ITSN1: variants seen among roughly 807,000 people sequenced by gnomAD.
ITSN1 encodes intersectin 1.
ITSN1 carries 58 observed loss-of-function variants against 239.8 expected under a neutral mutation model. That is an observed-to-expected ratio of 0.24 (90% CI 0.20 to 0.30). The LOEUF (loss-of-function observed/expected upper bound fraction) is 0.30, where lower values mean the gene tolerates loss of function less well. Ranked by LOEUF, ITSN1 falls within the 10% of genes least tolerant of loss-of-function variation. The pLI is 1.00. For missense variants in ITSN1, 1,558 were observed against 2,103.3 expected (o/e 0.74, Z 5.07); for synonymous variants, 780 against 770.8 (o/e 1.01, Z -0.20).
intron 16 of ITSN1, among the ~76,000 whole-genome samples, chr21:33,784,982 C>T (rs1378717829): frequency 6.6e-6 from 1 of 152,120 alleles, no homozygotes; most frequent in African/African-American, 2.4e-5. Context: ...ACACATCTAA[C>T]CTGATAGTGT....
intron 14 of ITSN1, among the ~76,000 whole-genome samples, chr21:33,778,336 C>G (rs1241170585): frequency 6.6e-6 from 1 of 152,084 alleles, no homozygotes; most frequent in Non-Finnish European, 1.5e-5. Context: ...CCTCTATTTT[C>G]TAAAAGTGTT....
chr21:33,755,871 A>G (rs574133664), intron 8 of ITSN1, among the ~76,000 whole-genome samples: 1 of 152,344 alleles, frequency 6.6e-6, no homozygotes, highest in African/African-American at 2.4e-5. Flanking sequence ...ATTAATATAA[A>G]AGGCCAGAGT....
intron 31 of ITSN1, among the ~76,000 whole-genome samples, chr21:33,860,501 C>G (rs1428764752): frequency 6.6e-6 from 1 of 152,138 alleles, no homozygotes; most frequent in Non-Finnish European, 1.5e-5. Flanking sequence ...CTCCCCATAC[C>G]TCTCTGTTGT....
intron 33 of ITSN1, among the ~76,000 whole-genome samples, chr21:33,870,304 T>A (rs2148515682): frequency 6.6e-6 from 1 of 152,316 alleles, no homozygotes; most frequent in South Asian, 2.1e-4. Flanking sequence ...AACAAGCTTT[T>A]AAAATAGGTG....
At chr21:33,652,167 G>T (rs2088601422) in intron 1 of ITSN1, among the ~76,000 whole-genome samples, 3 of 152,120 alleles carry the variant, frequency 2.0e-5, no homozygotes, top group South Asian at 4.1e-4. Flanking sequence ...AGAGTTGAAG[G>T]CCTGTTAGGG....
intron 20 of ITSN1, 133 bp downstream of exon 20, chr21:33,802,577 A>G (rs934236617): frequency 2.4e-6 from 2 of 832,312 alleles, no homozygotes; most frequent in Non-Finnish European, 3.9e-6. Context: ...GAGTCTGTGT[A>G]GTAGGTTGTG....
chr21:33,873,527 A>C (rs1281086587), intron 33 of ITSN1, among the ~76,000 whole-genome samples: 1 of 152,178 alleles, frequency 6.6e-6, no homozygotes, highest in Non-Finnish European at 1.5e-5. Context: ...ACACCATATA[A>C]AGGAGGCTAT....
intron 20 of ITSN1, among the ~76,000 whole-genome samples, chr21:33,803,066 C>G (rs544398076): frequency 2.0e-5 from 3 of 152,228 alleles, no homozygotes; most frequent in South Asian, 4.1e-4. Flanking sequence ...TTAAAAAATA[C>G]ATGAAAAGAT....
At chr21:33,661,923 C>T (rs548717717) in intron 1 of ITSN1, among the ~76,000 whole-genome samples, 27 of 152,164 alleles carry the variant, frequency 1.8e-4, no homozygotes, top group African/African-American at 6.0e-4. Flanking sequence ...TACCCAGTCT[C>T]GGTGAAAATG....
chr21:33,652,997 CTT>C (rs774663981), intron 1 of ITSN1, among the ~76,000 whole-genome samples: 55 of 136,932 alleles, frequency 4.0e-4, no homozygotes, highest in Non-Finnish European at 2.9e-4. Context: ...CTGGGAAGTT[CTT>C]TTTTTTTTTT....
chr21:33,825,343 G>A (rs943691840), intron 25 of ITSN1, among the ~76,000 whole-genome samples: 7 of 152,126 alleles, frequency 4.6e-5, no homozygotes, highest in Non-Finnish European at 1.0e-4. Context: ...AAAAAAACCT[G>A]AAAACTCAGC....
chr21:33,779,310 G>A (rs937277459), intron 14 of ITSN1, among the ~76,000 whole-genome samples: 1 of 151,640 alleles, frequency 6.6e-6, no homozygotes, highest in African/African-American at 2.4e-5. Context: ...AACATTTTAA[G>A]CTTTAAATGT....
chr21:33,772,427 G>C (rs2069239132), intron 12 of ITSN1, 104 bp downstream of exon 12: 2 of 1,355,184 alleles, frequency 1.5e-6, no homozygotes, highest in Non-Finnish European at 2.0e-6. Flanking sequence ...TTACAATTCA[G>C]TAGTTTTAGT....
rs2244966 is a variant in ITSN1 at position 33,755,055 on chromosome 21, A to G, written c.624-242A>G. 0.31 allele frequency among the ~76,000 whole-genome samples: 47,476 copies of G among 152,056 alleles called. 7,811 individuals are homozygous for G. The highest frequency in any genetic ancestry group is 0.55 in the East Asian group (2,863 of 5,170). On this transcript the variant is annotated intron_variant, in intron 7 of 39. Coordinates refer to ENST00000381318, the MANE Select transcript of ITSN1 (RefSeq NM_003024.3). Reference sequence around the variant, plus strand: ...TATATACAACTTGAAACAGCCTCTCAGTCTATTGTGTTTATCCATGATTCT... The same window carrying G: ...TATATACAACTTGAAACAGCCTCTCGGTCTATTGTGTTTATCCATGATTCT...
intron 14 of ITSN1, among the ~76,000 whole-genome samples, chr21:33,776,050 T>C (rs2069578908): frequency 6.6e-6 from 1 of 152,206 alleles, no homozygotes; most frequent in South Asian, 2.1e-4. Context: ...GAATGACTCT[T>C]TTGTTTCTTT....
chr21:33,872,166 A>G (rs1424138107), intron 33 of ITSN1, among the ~76,000 whole-genome samples: 1 of 152,264 alleles, frequency 6.6e-6, no homozygotes, highest in East Asian at 1.9e-4. Context: ...GTTGGCAAAG[A>G]TCTGGGTGGA....
intron 1 of ITSN1, among the ~76,000 whole-genome samples, chr21:33,702,844 G>A (rs990763805): frequency 1.3e-5 from 2 of 152,218 alleles, no homozygotes; most frequent in Admixed American, 1.3e-4. Flanking sequence ...TTGGGAGGCT[G>A]AGGCGGGCAG....
intron 1 of ITSN1, among the ~76,000 whole-genome samples, chr21:33,679,011 A>G (rs2090767777): frequency 6.6e-6 from 1 of 152,242 alleles, no homozygotes; most frequent in South Asian, 2.1e-4. Flanking sequence ...TGAAAATAGC[A>G]TAATGATTTT....
At chr21:33,684,590 A>G (rs569616923) in intron 1 of ITSN1, among the ~76,000 whole-genome samples, 1 of 152,210 alleles carries the variant, frequency 6.6e-6, no homozygotes, top group South Asian at 2.1e-4. Context: ...GGGTACTTAT[A>G]ATTTCCTTTA....
Sources: gnomAD v4.1 joint callset for allele counts (sites outside exome capture counted in the v4.1 genomes callset) on GRCh38, gnomAD v4.1.1 for gene constraint, MANE v1.5 for transcripts, NCBI Gene and HGNC (gene_info 2026-07-23, HGNC 2026-07-21) for gene names.